PIK3R4: variants seen among roughly 807,000 people sequenced by gnomAD.
PIK3R4 encodes the protein phosphoinositide-3-kinase regulatory subunit 4, also known as phosphoinositide 3-kinase regulatory subunit 4.
Under a neutral mutation model 136.5 loss-of-function variants are expected in PIK3R4, and 46 were observed. The observed-to-expected ratio is 0.34, with a 90% confidence interval of 0.27 to 0.43. The LOEUF is 0.43. Among genes scored for constraint, PIK3R4 ranks in the 20% least tolerant of loss-of-function variants. The pLI is 1.00. For synonymous variants in PIK3R4, 557 were observed against 566.7 expected, an observed-to-expected ratio of 0.98 and a Z score of 0.24; for missense variants, 1,331 against 1,649.5, an observed-to-expected ratio of 0.81 and a Z score of 3.35.
At chr3:130,681,452 G>GA (rs1159584399) in intron 17 of PIK3R4, 39 bp downstream of exon 17, 1 of 1,194,668 alleles carries the variant, frequency 8.4e-7, no homozygotes. Context: ...AGGATGTGGG[G>GA]AATAATATCA....
At position 130,700,543 on chromosome 3, in the gene PIK3R4, A is replaced by G. The variant is rs1200448889; in HGVS notation, c.3098+3180T>C. Among the ~76,000 whole-genome samples the G allele has an allele frequency of 3.9e-5, 6 of 152,338 alleles. No homozygotes were observed. The East Asian group carries it at 1.2e-3, about 29-fold the overall frequency. ...TCAAGAACTAGTCCCAAAGAGACAA[A>G]CTGAAAGTTTAACTCAAATAAGAAA... On this transcript the variant is annotated intron_variant, in intron 13 of 19. Coordinates refer to ENST00000356763, the MANE Select transcript of PIK3R4 (RefSeq NM_014602.3).
intron 11 of PIK3R4, 93 bp downstream of exon 11, chr3:130,706,855 T>C (rs1385021160): frequency 3.3e-6 from 3 of 900,602 alleles, no homozygotes; most frequent in Non-Finnish European, 4.7e-6. Flanking sequence ...ACCATATTGA[T>C]TTTTCCACTA....
chr3:130,740,411 T>C (rs1342752350), intron 2 of PIK3R4, among the ~76,000 whole-genome samples: 1 of 152,144 alleles, frequency 6.6e-6, no homozygotes. Flanking sequence ...ATTAACTATA[T>C]TGTGTTTTGT....
intron 5 of PIK3R4, among the ~76,000 whole-genome samples, 191 bp downstream of exon 5, chr3:130,730,117 C>G (rs190280138): frequency 2.6e-4 from 39 of 152,228 alleles, no homozygotes; most frequent in African/African-American, 8.9e-4. Flanking sequence ...TGGTGACAAG[C>G]TGATTATTTT....
chr3:130,713,498 C>T (rs1310044760), intron 9 of PIK3R4, among the ~76,000 whole-genome samples: 1 of 152,088 alleles, frequency 6.6e-6, no homozygotes, highest in Non-Finnish European at 1.5e-5. Flanking sequence ...TTACAAGAAC[C>T]GTAGGAAGCA....
Position 130,708,276 on chromosome 3 carries a change from A to C in PIK3R4, c.2533+15T>G. On this transcript the variant is annotated intron_variant, in intron 10 of 19. Coordinates refer to ENST00000356763, the MANE Select transcript of PIK3R4 (RefSeq NM_014602.3). ...AACAACAACAAGCTACACACACACA[A>C]ACAAGCATACTAACCCCGTTTGTCA... 6.2e-7 allele frequency: 1 copy of C among 1,604,024 alleles called. No homozygotes were observed. Among genetic ancestry groups the C allele is most frequent in the African/African-American group, 1.3e-5 (1 of 74,810 alleles).
chr3:130,710,321 C>T (rs556149432), intron 9 of PIK3R4, among the ~76,000 whole-genome samples: 5 of 152,024 alleles, frequency 3.3e-5, no homozygotes, highest in South Asian at 2.1e-4. Context: ...CATATTTCAA[C>T]ACATTAACAG....
chr3:130,722,806 C>T (rs1350881834), intron 7 of PIK3R4, among the ~76,000 whole-genome samples: 1 of 150,850 alleles, frequency 6.6e-6, no homozygotes, highest in East Asian at 2.0e-4. Context: ...CCTGTAATCC[C>T]AGCACTTCGG....
intron 13 of PIK3R4, among the ~76,000 whole-genome samples, chr3:130,694,201 C>T (rs1299260901): frequency 3.3e-5 from 5 of 152,094 alleles, no homozygotes; most frequent in South Asian, 2.1e-4. Flanking sequence ...TTTTGAAATA[C>T]AGAAGTGTGA....
intron 6 of PIK3R4, among the ~76,000 whole-genome samples, chr3:130,725,308 C>T (rs191450567): frequency 2.3e-4 from 35 of 151,156 alleles, no homozygotes; most frequent in Non-Finnish European, 4.6e-4. Context: ...GAAAACTGAC[C>T]TTAACAGACA....
chr3:130,697,063 CTT>C (rs60432343), intron 13 of PIK3R4, among the ~76,000 whole-genome samples: 79 of 73,034 alleles, frequency 1.1e-3, no homozygotes, highest in Middle Eastern at 0.034. Flanking sequence ...GCCACTCCAG[CTT>C]TTTTTTTTTT....
At chr3:130,709,389 G>A (rs1239569123) in intron 9 of PIK3R4, among the ~76,000 whole-genome samples, 3 of 151,996 alleles carry the variant, frequency 2.0e-5, no homozygotes, top group Admixed American at 6.6e-5. Flanking sequence ...TTCTCCTGAG[G>A]CCTCAATCTA....
chr3:130,692,956 A>C (rs562300873), intron 13 of PIK3R4, among the ~76,000 whole-genome samples: 22 of 152,310 alleles, frequency 1.4e-4, no homozygotes, highest in Non-Finnish European at 2.6e-4. Flanking sequence ...CAGCATACCC[A>C]AAAGAAACCC....
chr3:130,703,979 G>A, intron 12 of PIK3R4, 91 bp from the exon 13 acceptor site: 4 of 822,590 alleles, frequency 4.9e-6, no homozygotes, highest in Non-Finnish European at 7.8e-6. Flanking sequence ...CAACCAGCTT[G>A]AAAACAATCA....
At chr3:130,717,879 G>T (rs1027681377) in intron 8 of PIK3R4, among the ~76,000 whole-genome samples, 2 of 152,188 alleles carry the variant, frequency 1.3e-5, no homozygotes, top group African/African-American at 4.8e-5. Flanking sequence ...TATTTGCCCT[G>T]TACAAACCAA....
intron 2 of PIK3R4, among the ~76,000 whole-genome samples, chr3:130,742,536 T>C (rs1343199840): frequency 6.6e-6 from 1 of 152,236 alleles, no homozygotes; most frequent in Non-Finnish European, 1.5e-5. Flanking sequence ...CTTGTTATAC[T>C]GTATTTACAA....
At chr3:130,727,413 C>CG (rs569169687) in intron 6 of PIK3R4, among the ~76,000 whole-genome samples, 181 of 152,178 alleles carry the variant, frequency 1.2e-3, no homozygotes, top group African/African-American at 4.1e-3. Context: ...TTAGTAGAGA[C>CG]GGGGTTTCAC....
intron 5 of PIK3R4, 111 bp downstream of exon 5, chr3:130,730,197 T>C (rs2066754155): frequency 6.2e-6 from 5 of 806,546 alleles, no homozygotes; most frequent in Middle Eastern, 3.3e-4. Context: ...ATCTAATATA[T>C]AGATCTGGTA....
intron 10 of PIK3R4, among the ~76,000 whole-genome samples, chr3:130,707,372 T>C (rs1460992963): frequency 6.6e-6 from 1 of 152,184 alleles, no homozygotes; most frequent in Non-Finnish European, 1.5e-5. Flanking sequence ...TAAGACCTAA[T>C]TACTTCCTAG....
Sources: gnomAD v4.1 joint callset for allele counts (sites outside exome capture counted in the v4.1 genomes callset) on GRCh38, gnomAD v4.1.1 for gene constraint, MANE v1.5 for transcripts, NCBI Gene and HGNC (gene_info 2026-07-23, HGNC 2026-07-21) for gene names.